The following GDPD5 variants were observed in gnomAD, a reference collection of about 807,000 sequenced individuals.
GDPD5 encodes glycerophosphodiester phosphodiesterase 2.
Under a neutral mutation model 75.1 loss-of-function variants are expected in GDPD5, and 48 were observed. The ratio of observed to expected loss-of-function variants is 0.64; its 90% CI spans 0.51 to 0.81. The LOEUF (loss-of-function observed/expected upper bound fraction) is 0.81. Ranked by LOEUF, GDPD5 falls within the 40% of genes least tolerant of loss-of-function variation. The probability of loss-of-function intolerance (pLI) is 0.00; values close to 1 mark genes in which losing one functional copy is unlikely to be tolerated. For synonymous variants in GDPD5, 336 were observed against 339.0 expected, an observed-to-expected ratio of 0.99 and a Z score of 0.10; for missense variants, 706 against 822.6, an observed-to-expected ratio of 0.86 and a Z score of 1.73.
chr11:75,439,443 A>G, intron 15 of GDPD5: 1 of 433,766 alleles, frequency 2.3e-6, no homozygotes, highest in East Asian at 7.1e-5. Context: ...CAGAGAGAGA[A>G]CATCAGTCAA....
intron 6 of GDPD5, chr11:75,450,981 T>G (rs1949131452): frequency 6.6e-6 from 1 of 152,376 alleles, no homozygotes. Context: ...CCGGCCGCCC[T>G]GCCTCCCTGG....
intron 1 of GDPD5, among the ~76,000 whole-genome samples, chr11:75,519,031 C>A (rs1453241702): frequency 6.6e-6 from 1 of 152,146 alleles, no homozygotes; most frequent in Non-Finnish European, 1.5e-5. Flanking sequence ...TGGTCACAAG[C>A]CTGGGAAGAG....
At chr11:75,437,149 C>T in intron 15 of GDPD5, 101 bp from the exon 16 acceptor site, 1 of 798,110 alleles carries the variant, frequency 1.3e-6, no homozygotes. Flanking sequence ...GCCCAAGAGA[C>T]CAGCAGGACT....
intron 4 of GDPD5, among the ~76,000 whole-genome samples, chr11:75,458,937 A>AT (rs1565193571): frequency 6.6e-6 from 1 of 151,342 alleles, no homozygotes; most frequent in Non-Finnish European, 1.5e-5. Context: ...TATCGGGCTA[A>AT]TTTTTTTTGT....
At chr11:75,445,992 TC>T (rs1948977290) in intron 9 of GDPD5, among the ~76,000 whole-genome samples, 1 of 152,208 alleles carries the variant, frequency 6.6e-6, no homozygotes, top group Admixed American at 6.5e-5. Context: ...GTTACCTGTC[TC>T]CCAGTCCAGT....
intron 3 of GDPD5, among the ~76,000 whole-genome samples, chr11:75,474,240 T>C (rs573920686): frequency 2.0e-5 from 3 of 152,338 alleles, no homozygotes; most frequent in South Asian, 2.1e-4. Flanking sequence ...TGGTAGTCTG[T>C]CTCTTTCAAT....
At chr11:75,454,383 A>G (rs79025449) in intron 6 of GDPD5, among the ~76,000 whole-genome samples, 2,306 of 152,360 alleles carry the variant, frequency 0.015, 61 homozygotes, top group African/African-American at 0.052. Context: ...GTGTTTTTAT[A>G]GAACAACTAT....
intron 9 of GDPD5, among the ~76,000 whole-genome samples, chr11:75,445,702 G>A (rs1249827705): frequency 6.6e-6 from 1 of 152,118 alleles, no homozygotes; most frequent in Non-Finnish European, 1.5e-5. Flanking sequence ...CTCTGGCCAC[G>A]ATGTTCCCCA....
At chr11:75,441,611 C>T in intron 13 of GDPD5, 35 bp downstream of exon 13, 1 of 1,523,044 alleles carries the variant, frequency 6.6e-7, no homozygotes. Flanking sequence ...CTCAGTCCCA[C>T]CCTCTCCTGG....
At chr11:75,501,655 G>A (rs1258363022) in intron 1 of GDPD5, among the ~76,000 whole-genome samples, 3 of 152,306 alleles carry the variant, frequency 2.0e-5, no homozygotes, top group African/African-American at 7.2e-5. Context: ...TGTTCCATTT[G>A]GACTCTGAGG....
chr11:75,505,123 GA>G lies in GDPD5; in HGVS notation c.-144-14804del, dbSNP rs200953760. 2.8e-3 allele frequency among the ~76,000 whole-genome samples: 394 copies of G among 142,778 alleles called. 3 individuals are homozygous for G. Among genetic ancestry groups the G allele is most frequent in the African/African-American group, 8.9e-3 (348 of 39,060 alleles). 93.7% of individuals were successfully genotyped at this position (142,778 alleles called of 152,430 possible). ...GGTGACAGAGCGAGACTCCATCTCA[GA>G]AAAAAAAAAACAACAAAAAAAACCT... On this transcript the variant is annotated intron_variant, in intron 1 of 16. Coordinates refer to ENST00000336898, the MANE Select transcript of GDPD5 (RefSeq NM_030792.8).
At chr11:75,504,687 G>A (rs1950358622) in intron 1 of GDPD5, among the ~76,000 whole-genome samples, 1 of 152,190 alleles carries the variant, frequency 6.6e-6, no homozygotes, top group Admixed American at 6.5e-5. Context: ...TTGTGTAATA[G>A]GTATAGAGTC....
chr11:75,449,371 A>T lies in GDPD5; in HGVS notation c.568+146T>A. 4 of 802,826 alleles carry T rather than the reference A, an allele frequency of 5.0e-6. No individual in the cohort carries two copies. In the South Asian group the frequency reaches 7.0e-5, roughly 14 times the overall value. 49.7% of individuals were successfully genotyped at this position (802,826 alleles called of 1,614,324 possible). A position where few individuals can be genotyped will look rare whatever the true frequency, so the allele number is the denominator to read the frequency against. On this transcript the variant is annotated intron_variant, in intron 8 of 16. Transcript: ENST00000336898. ...TGACCCTCCGTGGACTCTGTGGGCC[A>T]CTCTGAGCCAGAATCCCCCTCACTG... is the stretch of plus-strand genomic sequence containing the variant.
At chr11:75,455,953 A>G (rs1949276105) in intron 6 of GDPD5, among the ~76,000 whole-genome samples, 1 of 152,200 alleles carries the variant, frequency 6.6e-6, no homozygotes, top group Non-Finnish European at 1.5e-5. Context: ...GAGCACCTTG[A>G]CTGGGTGGGT....
At position 75,494,683 on chromosome 11, in the gene GDPD5, T is replaced by TG. The variant is rs201924807; in HGVS notation, c.-144-4364dup. On this transcript the variant is annotated intron_variant, in intron 1 of 16. Transcript: ENST00000336898. ...CATAAAATTTGATGGCCAGATGCGG[T>TG]GGCTCACGCTTGTAATCCCAGCACT... Among the ~76,000 whole-genome samples, 1,179 of 152,152 alleles carry TG rather than the reference T, an allele frequency of 7.7e-3. 21 individuals are homozygous for TG. The highest frequency in any genetic ancestry group is 0.027 in the African/African-American group (1,137 of 41,502).
At chr11:75,470,488 C>A (rs575491355) in intron 3 of GDPD5, among the ~76,000 whole-genome samples, 5 of 152,170 alleles carry the variant, frequency 3.3e-5, no homozygotes, top group Admixed American at 6.5e-5. Flanking sequence ...CCCACGATTT[C>A]TCGGCTTCAT....
intron 1 of GDPD5, among the ~76,000 whole-genome samples, chr11:75,523,232 C>T (rs1941533898): frequency 6.6e-6 from 1 of 152,210 alleles, no homozygotes; most frequent in Non-Finnish European, 1.5e-5. Context: ...CTCAGTGCCA[C>T]TCAGCTAGTG....
chr11:75,462,688 C>T, intron 4 of GDPD5, 98 bp downstream of exon 4: 2 of 936,760 alleles, frequency 2.1e-6, no homozygotes, highest in Non-Finnish European at 3.3e-6. Flanking sequence ...GCTCAGAGGG[C>T]CAACCTGGGA....
chr11:75,496,779 C>CTTTCTTTTTTTTTT (rs58663409), intron 1 of GDPD5, among the ~76,000 whole-genome samples: 88 of 103,134 alleles, frequency 8.5e-4, no homozygotes, highest in Non-Finnish European at 1.0e-3. Flanking sequence ...TTCTTTCTTT[C>CTTTCTTTTTTTTTT]TTTTTTTTTT....
Sources: gnomAD v4.1 joint callset for allele counts (sites outside exome capture counted in the v4.1 genomes callset) on GRCh38, gnomAD v4.1.1 for gene constraint, MANE v1.5 for transcripts, NCBI Gene and HGNC (gene_info 2026-07-23, HGNC 2026-07-21) for gene names.